DCN: variants seen among roughly 807,000 people sequenced by gnomAD.
DCN encodes the protein bone proteoglycan II.
Under a neutral mutation model 36.5 loss-of-function variants are expected in DCN, and 17 were observed. That is an observed-to-expected ratio of 0.47 (90% CI 0.32 to 0.70). DCN has a LOEUF of 0.70. Ranked by LOEUF, DCN falls within the 30% of genes least tolerant of loss-of-function variation. The pLI is 0.04. For synonymous variants in DCN, 163 were observed against 161.4 expected (o/e 1.01, Z -0.07); for missense variants, 389 against 430.1 (o/e 0.90, Z 0.84).
intron 1 of DCN, chr12:91,180,938 C>A (rs1868371973): frequency 6.6e-6 from 1 of 152,086 alleles, no homozygotes; most frequent in African/African-American, 2.4e-5. Context: ...GCAGAACATG[C>A]CTGGTTGTTT....
intron 2 of DCN, among the ~76,000 whole-genome samples, chr12:91,167,364 T>C (rs899974204): frequency 2.6e-5 from 4 of 151,904 alleles, no homozygotes; most frequent in Non-Finnish European, 5.9e-5. Flanking sequence ...TTAGGTAGAC[T>C]CTATGATGAG....
rs1037213508 is a variant in DCN, at chr12:91,162,442, A to G, written c.324+2163T>C. ...AATTATGACCAGTTTATTCTATTTT[A>G]TATTATTTCCTTTGTATCTATATTT... On this transcript the variant is annotated intron_variant, in intron 3 of 7. Coordinates refer to ENST00000052754, the MANE Select transcript of DCN (RefSeq NM_001920.5). 5.9e-5 allele frequency among the ~76,000 whole-genome samples: 9 copies of G among 152,204 alleles called. No homozygotes were observed. In the Middle Eastern group the frequency reaches 0.01, roughly 173 times the overall value.
intron 2 of DCN, among the ~76,000 whole-genome samples, chr12:91,174,460 T>G (rs901474378): frequency 1.3e-5 from 2 of 152,090 alleles, no homozygotes; most frequent in African/African-American, 4.8e-5. Context: ...CTAATAAGTA[T>G]ATGGCCTATA....
At chr12:91,158,214 C>G in intron 4 of DCN, 82 bp downstream of exon 4, 3 of 882,242 alleles carry the variant, frequency 3.4e-6, no homozygotes, top group Non-Finnish European at 5.8e-6. Flanking sequence ...AGCTAATTTA[C>G]CTTCCTGCAC....
chr12:91,174,123 G>A (rs1883148420), intron 2 of DCN, among the ~76,000 whole-genome samples: 1 of 152,120 alleles, frequency 6.6e-6, no homozygotes, highest in Non-Finnish European at 1.5e-5. Context: ...TTATAAAATA[G>A]CCAAATACTT....
At chr12:91,172,910 A>T (rs1355203762) in intron 2 of DCN, 3 of 578,354 alleles carry the variant, frequency 5.2e-6, no homozygotes, top group South Asian at 4.7e-5. Context: ...AAGATAAAAG[A>T]TATTGTATAA....
chr12:91,172,336 T>C (rs546295496), intron 2 of DCN: 156 of 153,406 alleles, frequency 1.0e-3, no homozygotes, highest in Middle Eastern at 6.8e-3. Context: ...CTTTCAACAA[T>C]TTTTTTTTAT....
Position 91,144,394 on chromosome 12 carries a change from T to C in DCN, c.*1664A>G, listed in dbSNP as rs1880893943. 6.6e-6 allele frequency: 1 copy of C among 152,156 alleles called. No homozygotes were observed. Among genetic ancestry groups the C allele is most frequent in the African/African-American group, 2.4e-5 (1 of 41,440 alleles). 9.4% of individuals were successfully genotyped at this position (152,156 alleles called of 1,614,324 possible). A position where few individuals can be genotyped will look rare whatever the true frequency, so the allele number is the denominator to read the frequency against. ...ATGCACCTTGAATTCCTGAATGTCTTCCAATAGAAACCACCTATTCAACTG... is the reference window on the plus strand; with the variant it reads ...ATGCACCTTGAATTCCTGAATGTCTCCCAATAGAAACCACCTATTCAACTG... On this transcript the variant is annotated 3_prime_UTR_variant, in exon 8 of 8. Coordinates refer to ENST00000052754, the MANE Select transcript of DCN (RefSeq NM_001920.5).
intron 2 of DCN, among the ~76,000 whole-genome samples, chr12:91,165,067 C>G (rs1285875387): frequency 6.6e-6 from 1 of 152,150 alleles, no homozygotes; most frequent in East Asian, 1.9e-4. Context: ...GATAAGTAGT[C>G]AGCACGAGTG....
At chr12:91,161,357 T>C (rs1211417434) in intron 3 of DCN, among the ~76,000 whole-genome samples, 1 of 152,224 alleles carries the variant, frequency 6.6e-6, no homozygotes, top group Non-Finnish European at 1.5e-5. Context: ...GTACAGGAAG[T>C]TGAGATGACA....
chr12:91,146,310 A>G (rs914980060), intron 7 of DCN, 58 bp from the exon 8 acceptor site: 2 of 904,844 alleles, frequency 2.2e-6, no homozygotes, highest in Admixed American at 4.7e-5. Context: ...GAGGCCCTTC[A>G]GGTAAACATT....
intron 7 of DCN, chr12:91,151,407 T>C: frequency 2.2e-6 from 1 of 459,162 alleles, no homozygotes; most frequent in Admixed American, 3.4e-5. Context: ...GAAAAAAATA[T>C]CAGCATTACA....
intron 1 of DCN, among the ~76,000 whole-genome samples, chr12:91,181,256 T>C (rs902082728): frequency 1.3e-5 from 2 of 151,936 alleles, no homozygotes; most frequent in African/African-American, 2.4e-5. Flanking sequence ...AATAATTGCA[T>C]GTCCAGAAAC....
At chr12:91,164,567 T>G in intron 3 of DCN, 38 bp downstream of exon 3, 1 of 1,140,178 alleles carries the variant, frequency 8.8e-7, no homozygotes, top group South Asian at 1.2e-5. Context: ...ATACCTTGAG[T>G]CTTATCTTAT....
chr12:91,154,586 A>G (rs1054324489), intron 5 of DCN, among the ~76,000 whole-genome samples: 1 of 152,076 alleles, frequency 6.6e-6, no homozygotes, highest in Non-Finnish European at 1.5e-5. Context: ...ATGGGAGAAA[A>G]CCTTGCAATA....
chr12:91,179,029 T>A (rs1478715233), intron 1 of DCN, among the ~76,000 whole-genome samples: 1 of 152,196 alleles, frequency 6.6e-6, no homozygotes, highest in Non-Finnish European at 1.5e-5. Flanking sequence ...ACAATTATTT[T>A]GATCCAGGCC....
chr12:91,154,552 T>G (rs762348971), intron 5 of DCN, among the ~76,000 whole-genome samples: 5 of 152,110 alleles, frequency 3.3e-5, no homozygotes, highest in Admixed American at 6.5e-5. Context: ...AAATGTAAAG[T>G]TATAGCTAAG....
rs1452522930 is a variant in DCN, at chr12:91,145,230, T to C, written c.*828A>G. 3 of 152,240 alleles carry C rather than the reference T, an allele frequency of 2.0e-5. No homozygotes were observed. Among genetic ancestry groups the C allele is most frequent in the Admixed American group, 6.5e-5 (1 of 15,282 alleles). The allele number at this position is 152,240 out of a possible 1,614,324, so 9.4% of individuals were successfully genotyped here. On this transcript the variant is annotated 3_prime_UTR_variant, in exon 8 of 8. Transcript: ENST00000052754. ...TTACGTCTAATACATCTAGTAATTG[T>C]AGAAATGTTCAGCCTGATTACATGA...
intron 2 of DCN, chr12:91,176,602 G>A (rs551738275): frequency 6.6e-6 from 1 of 152,020 alleles, no homozygotes; most frequent in African/African-American, 2.4e-5. Context: ...TCAGGGTCAA[G>A]GTTTATGAGC....
Sources: allele counts gnomAD v4.1 joint callset (sites outside exome capture counted in the v4.1 genomes callset), GRCh38; gene constraint gnomAD v4.1.1; transcripts MANE v1.5; gene names NCBI Gene and HGNC (gene_info 2026-07-23, HGNC 2026-07-21).